DBX2: variants seen among roughly 807,000 people sequenced by gnomAD.
DBX2 encodes the protein homeobox protein DBX2.
In DBX2, 16 loss-of-function variants were observed where a neutral mutation model predicts 17.7. The ratio of observed to expected loss-of-function variants is 0.90; its 90% CI spans 0.61 to 1.37. The LOEUF (loss-of-function observed/expected upper bound fraction) is 1.37, where lower values mean the gene tolerates loss of function less well. DBX2 is among the 40% of genes most tolerant of loss of function. The pLI, the probability that DBX2 is intolerant of heterozygous loss-of-function variation, is 0.00. For missense variants in DBX2, 538 were observed against 433.8 expected, an observed-to-expected ratio of 1.24 and a Z score of -2.13; for synonymous variants, 255 against 183.8, an observed-to-expected ratio of 1.39 and a Z score of -3.13.
intron 2 of DBX2, among the ~76,000 whole-genome samples, chr12:45,032,825 C>A (rs1946417213): frequency 1.3e-5 from 2 of 152,148 alleles, no homozygotes; most frequent in African/African-American, 4.8e-5. Flanking sequence ...AAATAATTAT[C>A]TGATTAATTC....
rs931535197 is a variant in DBX2 at position 45,050,870 on chromosome 12, A to G, written c.58T>C (p.Ser20Pro). 6.5e-6 allele frequency: 10 copies of G among 1,533,680 alleles called. No individual in the cohort carries two copies. In the African/African-American group the frequency reaches 1.1e-4, roughly 17 times the overall value. Residue 20 changes from serine to proline, a missense_variant, in exon 1 of 4, where the codon TCC (serine) becomes CCC (proline). By Grantham distance (74) the Ser-to-Pro change is moderately conservative. Transcript: ENST00000332700. ...GCAGCGGGGAGGTTGAGGAGCGCGG[A>G]GGAAGCCACAACGTCCCAGTACGCA... The part of the protein sequence containing the change: ...AGAYWDVVAS[S>P]ALLNLPAAPG...
At chr12:45,046,885 C>T (rs1946503364) in intron 1 of DBX2, among the ~76,000 whole-genome samples, 1 of 152,168 alleles carries the variant, frequency 6.6e-6, no homozygotes, top group Non-Finnish European at 1.5e-5. Context: ...GGCAAAACTA[C>T]TTTTTAAAAC....
At chr12:45,034,417 T>C (rs536873978) in intron 2 of DBX2, among the ~76,000 whole-genome samples, 43 of 152,312 alleles carry the variant, frequency 2.8e-4, no homozygotes, top group African/African-American at 9.9e-4. Context: ...GTGATAAATG[T>C]CTCCTTAATT....
Position 45,050,789 on chromosome 12 carries a change from C to T in DBX2, c.139G>A (p.Gly47Arg), listed in dbSNP as rs778435010. 1.3e-6 allele frequency: 2 copies of T among 1,525,988 alleles called. No individual in the cohort carries two copies. The highest frequency in any genetic ancestry group is 5.3e-5 in the East Asian group (2 of 37,564). The allele number at this position is 1,525,988 out of a possible 1,614,324, so 94.5% of individuals were successfully genotyped here. A position where few individuals can be genotyped will look rare whatever the true frequency, so the allele number is the denominator to read the frequency against. Residue 47 changes from glycine (G) to arginine (R), a missense_variant, in exon 1 of 4, where the codon GGG (glycine) becomes AGG (arginine). Gly to Arg is a moderately radical substitution (Grantham distance 125). Coordinates refer to ENST00000332700, the MANE Select transcript of DBX2 (RefSeq NM_001004329.3). Reference protein sequence around the residue: ...SFLIENLLRVGGAPTPRLQPP... With the variant: ...SFLIENLLRVRGAPTPRLQPP... ...TGCAGCCTGGGCGTTGGGGCGCCCCCGACCCGCAGCAAATTCTCGATCAGG... is the reference window on the plus strand; with the variant it reads ...TGCAGCCTGGGCGTTGGGGCGCCCCTGACCCGCAGCAAATTCTCGATCAGG...
At chr12:45,046,767 A>C (rs1392923576) in intron 1 of DBX2, among the ~76,000 whole-genome samples, 1 of 152,178 alleles carries the variant, frequency 6.6e-6, no homozygotes, top group African/African-American at 2.4e-5. Flanking sequence ...CAGACAAGAA[A>C]ACTAGAGTGC....
chr12:45,040,234 C>T (rs994451773), intron 1 of DBX2, among the ~76,000 whole-genome samples: 1 of 152,148 alleles, frequency 6.6e-6, no homozygotes, highest in Non-Finnish European at 1.5e-5. Context: ...CTACATCTTT[C>T]TCCCGTGCTT....
chr12:45,042,062 A>G (rs1030993402), intron 1 of DBX2, among the ~76,000 whole-genome samples: 3 of 152,158 alleles, frequency 2.0e-5, no homozygotes, highest in Admixed American at 6.5e-5. Flanking sequence ...TAGCCCCCAC[A>G]TCAATTGTTT....
intron 1 of DBX2, among the ~76,000 whole-genome samples, chr12:45,044,275 G>C (rs11182806): frequency 0.071 from 10,726 of 152,026 alleles, 762 homozygotes; most frequent in East Asian, 0.18. Flanking sequence ...TTGTTCAATA[G>C]ACCTAAACTC....
At chr12:45,033,456 T>G (rs1405650369) in intron 2 of DBX2, among the ~76,000 whole-genome samples, 1 of 152,060 alleles carries the variant, frequency 6.6e-6, no homozygotes, top group Non-Finnish European at 1.5e-5. Flanking sequence ...TTCTTATTAT[T>G]AGAAAAAGGA....
intron 2 of DBX2, among the ~76,000 whole-genome samples, chr12:45,027,380 T>G (rs1455069136): frequency 6.6e-6 from 1 of 152,206 alleles, no homozygotes; most frequent in Non-Finnish European, 1.5e-5. Context: ...CACCAAGACC[T>G]TCTGAATTCA....
At chr12:45,034,581 C>T (rs1479803709) in intron 2 of DBX2, among the ~76,000 whole-genome samples, 3 of 152,060 alleles carry the variant, frequency 2.0e-5, no homozygotes, top group South Asian at 2.1e-4. Flanking sequence ...GTATCAGTCC[C>T]GGTTAATAAA....
chr12:45,035,659 A>T (rs533426890), intron 2 of DBX2, among the ~76,000 whole-genome samples: 2 of 152,362 alleles, frequency 1.3e-5, no homozygotes, highest in East Asian at 3.9e-4. Flanking sequence ...TGGAAATTTT[A>T]CACAGCACAA....
chr12:45,050,979 C>A lies in DBX2; in HGVS notation c.-52G>T. The A allele has an allele frequency of 7.4e-7, 1 of 1,350,596 alleles. No individual in the cohort carries two copies. The highest frequency in any genetic ancestry group is 9.5e-7 in the Non-Finnish European group (1 of 1,054,768). 83.7% of individuals were successfully genotyped at this position (1,350,596 alleles called of 1,614,324 possible). The stretch of plus-strand genomic sequence containing the variant: ...CGCCCGCCTTGCGCCCGCCTGTCGC[C>A]CGGGCGCCCCGCACCGCACCCAGAG... On this transcript the variant is annotated 5_prime_UTR_variant, in exon 1 of 4. Coordinates refer to ENST00000332700, the MANE Select transcript of DBX2 (RefSeq NM_001004329.3).
chr12:45,027,467 A>C (rs1177427736), intron 2 of DBX2, among the ~76,000 whole-genome samples: 1 of 152,234 alleles, frequency 6.6e-6, no homozygotes, highest in East Asian at 1.9e-4. Context: ...TACAGCAATA[A>C]GTATTAAAAA....
intron 2 of DBX2, among the ~76,000 whole-genome samples, chr12:45,032,304 G>C (rs1210903754): frequency 1.3e-5 from 2 of 151,890 alleles, no homozygotes; most frequent in East Asian, 3.9e-4. Flanking sequence ...TTTTATATTA[G>C]AAAAAAAATT....
intron 3 of DBX2, among the ~76,000 whole-genome samples, chr12:45,021,182 T>C (rs569751381): frequency 6.6e-6 from 1 of 152,326 alleles, no homozygotes; most frequent in African/African-American, 2.4e-5. Flanking sequence ...GTGTAATGGA[T>C]ATATTTACAA....
intron 1 of DBX2, among the ~76,000 whole-genome samples, chr12:45,039,879 A>AG (rs2137029476): frequency 6.9e-6 from 1 of 144,378 alleles, no homozygotes; most frequent in African/African-American, 2.7e-5. Flanking sequence ...TCCATGAGAG[A>AG]GAAAAAAAAA....
At chr12:45,049,454 T>A (rs899125884) in intron 1 of DBX2, among the ~76,000 whole-genome samples, 8 of 152,186 alleles carry the variant, frequency 5.3e-5, no homozygotes, top group African/African-American at 1.7e-4. Context: ...GTTCATATAG[T>A]TATATTTGTT....
intron 3 of DBX2, among the ~76,000 whole-genome samples, chr12:45,020,324 T>A (rs1447776189): frequency 1.3e-5 from 2 of 152,114 alleles, no homozygotes; most frequent in East Asian, 3.8e-4. Context: ...TTTCACTCAG[T>A]ATAATATTTT....
Sources: allele counts gnomAD v4.1 joint callset (sites outside exome capture counted in the v4.1 genomes callset), GRCh38; gene constraint gnomAD v4.1.1; transcripts MANE v1.5; gene names NCBI Gene and HGNC (gene_info 2026-07-23, HGNC 2026-07-21).